The following SLC1A2 variants were observed in gnomAD, a reference collection of about 807,000 sequenced individuals.
The protein encoded by SLC1A2 is solute carrier family 1 member 2.
A neutral mutation model predicts 48.8 loss-of-function variants in SLC1A2; 15 were observed. That is an observed-to-expected ratio of 0.31 (90% CI 0.21 to 0.47). The LOEUF (loss-of-function observed/expected upper bound fraction) is 0.47, where lower values mean the gene tolerates loss of function less well. Ranked by LOEUF, SLC1A2 falls within the 20% of genes least tolerant of loss-of-function variation. The probability of loss-of-function intolerance (pLI) is 0.99; values close to 1 mark genes in which losing one functional copy is unlikely to be tolerated. For missense variants in SLC1A2, 502 were observed against 730.5 expected, an observed-to-expected ratio of 0.69 and a Z score of 3.61; for synonymous variants, 279 against 272.6, an observed-to-expected ratio of 1.02 and a Z score of -0.23.
chr11:35,401,891 C>G (rs958723340), intron 1 of SLC1A2, among the ~76,000 whole-genome samples: 1 of 152,124 alleles, frequency 6.6e-6, no homozygotes, highest in Admixed American at 6.5e-5. Context: ...TTCCAAGGCT[C>G]GGGCCCTCTA....
At chr11:35,300,297 CTG>C (rs774533519) in intron 6 of SLC1A2, among the ~76,000 whole-genome samples, 4 of 152,204 alleles carry the variant, frequency 2.6e-5, no homozygotes, top group Non-Finnish European at 4.4e-5. Context: ...GCAAAAGTAA[CTG>C]TGGTTTTTCC....
At chr11:35,371,985 G>A (rs1471282694) in intron 1 of SLC1A2, among the ~76,000 whole-genome samples, 1 of 152,172 alleles carries the variant, frequency 6.6e-6, no homozygotes, top group Admixed American at 6.5e-5. Context: ...TAATACTCCT[G>A]GACAATGCAT....
chr11:35,318,937 G>A (rs1195618673), intron 1 of SLC1A2, among the ~76,000 whole-genome samples: 1 of 152,098 alleles, frequency 6.6e-6, no homozygotes, highest in African/African-American at 2.4e-5. Flanking sequence ...TTCATAACAG[G>A]CTGCTTAATA....
At chr11:35,378,411 A>C (rs918154800) in intron 1 of SLC1A2, among the ~76,000 whole-genome samples, 17 of 152,254 alleles carry the variant, frequency 1.1e-4, no homozygotes, top group African/African-American at 3.6e-4. Flanking sequence ...AGAAATACCA[A>C]GAAAAAATAT....
intron 9 of SLC1A2, among the ~76,000 whole-genome samples, chr11:35,278,025 C>T (rs1432587736): frequency 6.6e-6 from 1 of 152,190 alleles, no homozygotes; most frequent in Non-Finnish European, 1.5e-5. Flanking sequence ...AAGGCTGTCC[C>T]TTGGGGCCAA....
chr11:35,330,917 A>G (rs1262501836), intron 1 of SLC1A2, among the ~76,000 whole-genome samples: 1 of 152,214 alleles, frequency 6.6e-6, no homozygotes, highest in African/African-American at 2.4e-5. Context: ...ATATGATAAT[A>G]AGTTGTCTTG....
chr11:35,407,955 T>C (rs1011581459), intron 1 of SLC1A2, among the ~76,000 whole-genome samples: 2 of 152,368 alleles, frequency 1.3e-5, no homozygotes, highest in East Asian at 3.9e-4. Flanking sequence ...CGGCCTGTCA[T>C]GACTCTAACT....
At chr11:35,311,226 C>T (rs1181575593) in intron 4 of SLC1A2, among the ~76,000 whole-genome samples, 2 of 152,082 alleles carry the variant, frequency 1.3e-5, no homozygotes, top group Non-Finnish European at 1.5e-5. Flanking sequence ...AGTGCAGTGG[C>T]TCTGCTCACT....
intron 1 of SLC1A2, among the ~76,000 whole-genome samples, chr11:35,339,722 T>C (rs1405523718): frequency 6.6e-6 from 1 of 152,158 alleles, no homozygotes; most frequent in Non-Finnish European, 1.5e-5. Context: ...AGAAGATTGA[T>C]AAGCACAAAT....
At chr11:35,277,303 T>C (rs1850472443) in intron 9 of SLC1A2, among the ~76,000 whole-genome samples, 1 of 152,190 alleles carries the variant, frequency 6.6e-6, no homozygotes. Flanking sequence ...ATTAGGAGGC[T>C]GTGTGGAGTT....
At chr11:35,417,297 A>C (rs1445918073) in intron 1 of SLC1A2, among the ~76,000 whole-genome samples, 1 of 152,206 alleles carries the variant, frequency 6.6e-6, no homozygotes, top group Non-Finnish European at 1.5e-5. Context: ...GGTGAAATAA[A>C]CTTACTTAGT....
Position 35,253,917 on chromosome 11 carries a change from G to A in SLC1A2, c.*6977C>T, listed in dbSNP as rs530000444. 1.2e-4 allele frequency: 18 copies of A among 152,518 alleles called. No homozygotes were observed. Among genetic ancestry groups the A allele is most frequent in the African/African-American group, 4.3e-4 (18 of 41,524 alleles). The allele number at this position is 152,518 out of a possible 1,614,324, so 9.4% of individuals were successfully genotyped here. ...TTACAAACCTATAACATTATTAAAG[G>A]CTAAATTAATATTAAACATATAACA... On this transcript the variant is annotated 3_prime_UTR_variant, in exon 11 of 11. Coordinates refer to ENST00000278379, the MANE Select transcript of SLC1A2 (RefSeq NM_004171.4).
At chr11:35,303,855 G>A (rs1040183093) in intron 5 of SLC1A2, among the ~76,000 whole-genome samples, 5 of 152,124 alleles carry the variant, frequency 3.3e-5, no homozygotes, top group African/African-American at 1.2e-4. Context: ...TTCACTTATT[G>A]CAAGTGCTTA....
intron 1 of SLC1A2, among the ~76,000 whole-genome samples, chr11:35,415,613 G>A (rs1389962837): frequency 6.6e-6 from 1 of 152,210 alleles, no homozygotes; most frequent in Non-Finnish European, 1.5e-5. Flanking sequence ...GAAGCAAGAG[G>A]ACAATGGTTA....
chr11:35,415,280 G>A (rs1239641361), intron 1 of SLC1A2, among the ~76,000 whole-genome samples: 1 of 152,206 alleles, frequency 6.6e-6, no homozygotes, highest in South Asian at 2.1e-4. Context: ...TTGTCTTTTG[G>A]TTTTTAATAA....
At chr11:35,311,930 GGGGGGGT>G (rs1324721478) in intron 4 of SLC1A2, among the ~76,000 whole-genome samples, 476 of 24,478 alleles carry the variant, frequency 0.019, 93 homozygotes, top group Non-Finnish European at 0.038. Context: ...GAGGCGGGGG[GGGGGGGT>G]GGGGGAGAAA....
At chr11:35,385,208 C>A (rs1433755970) in intron 1 of SLC1A2, among the ~76,000 whole-genome samples, 1 of 152,216 alleles carries the variant, frequency 6.6e-6, no homozygotes, top group African/African-American at 2.4e-5. Context: ...CAAGCTCAAA[C>A]CATCCCTGCC....
intron 1 of SLC1A2, among the ~76,000 whole-genome samples, chr11:35,339,940 A>T (rs1272531517): frequency 1.3e-5 from 2 of 152,240 alleles, no homozygotes; most frequent in Admixed American, 6.5e-5. Context: ...TAGGATTAAA[A>T]ATAAGAGGGA....
At chr11:35,385,782 C>G (rs979338008) in intron 1 of SLC1A2, among the ~76,000 whole-genome samples, 1 of 152,054 alleles carries the variant, frequency 6.6e-6, no homozygotes, top group African/African-American at 2.4e-5. Flanking sequence ...TGCAGGTTCT[C>G]TGGGTGAAAC....
Sources: allele counts gnomAD v4.1 joint callset (sites outside exome capture counted in the v4.1 genomes callset), GRCh38; gene constraint gnomAD v4.1.1; transcripts MANE v1.5; gene names NCBI Gene and HGNC (gene_info 2026-07-23, HGNC 2026-07-21).